The following MAML3 variants were observed in gnomAD, a reference collection of about 807,000 sequenced individuals.
MAML3 encodes mastermind like transcriptional coactivator 3.
Under a neutral mutation model 101.9 loss-of-function variants are expected in MAML3, and 27 were observed. That is an observed-to-expected ratio of 0.27 (90% CI 0.20 to 0.37). The LOEUF is 0.37. Ranked by LOEUF, MAML3 falls within the 10% of genes least tolerant of loss-of-function variation. The pLI is 1.00. For missense variants in MAML3, 1,316 were observed against 1,444.9 expected (o/e 0.91, Z 1.45); for synonymous variants, 501 against 555.9 (o/e 0.90, Z 1.39).
At chr4:140,134,207 T>C in intron 1 of MAML3, 1 of 456,676 alleles carries the variant, frequency 2.2e-6, no homozygotes, top group South Asian at 1.5e-5. Context: ...TCCCCTAACT[T>C]AGGAAGTACG....
rs542556461 is a variant in MAML3 at position 140,126,174 on chromosome 4, T to TAA, written c.468+26684_468+26685dup. Among the ~76,000 whole-genome samples, 561 of 134,732 alleles carry TAA rather than the reference T, an allele frequency of 4.2e-3. 2 individuals are homozygous for TAA. Among genetic ancestry groups the TAA allele is most frequent in the African/African-American group, 9.8e-3 (362 of 37,052 alleles). The allele number at this position is 134,732 out of a possible 152,430, so 88.4% of individuals were successfully genotyped here. On this transcript the variant is annotated intron_variant, in intron 1 of 4. Transcript: ENST00000509479. ...ATAAAGGACTGTAATAAGCATTGTT[T>TAA]AAAAAAAAAAAAAAAAAAGGAAGCC...
chr4:139,822,911 A>G (rs747672493), intron 2 of MAML3, among the ~76,000 whole-genome samples: 1 of 152,254 alleles, frequency 6.6e-6, no homozygotes, highest in Non-Finnish European at 1.5e-5. Flanking sequence ...TTTGCGTGGT[A>G]TCTCTCCCTA....
chr4:139,845,188 T>C (rs1335867285), intron 2 of MAML3, among the ~76,000 whole-genome samples: 1 of 152,144 alleles, frequency 6.6e-6, no homozygotes, highest in Non-Finnish European at 1.5e-5. Context: ...AAATGGCATG[T>C]TGTCCTACAG....
At chr4:139,934,463 C>A (rs1221859599) in intron 1 of MAML3, among the ~76,000 whole-genome samples, 1 of 152,126 alleles carries the variant, frequency 6.6e-6, no homozygotes, top group Non-Finnish European at 1.5e-5. Flanking sequence ...ACAACCCTGA[C>A]CCGAGTTTTC....
At chr4:140,152,775 C>T in intron 1 of MAML3, 85 bp downstream of exon 1, 1 of 1,543,690 alleles carries the variant, frequency 6.5e-7, no homozygotes, top group East Asian at 2.3e-5. Flanking sequence ...GACCCTTGTA[C>T]CCCCATGTAA....
chr4:139,849,453 C>T (rs142643272), intron 2 of MAML3, among the ~76,000 whole-genome samples: 9 of 152,196 alleles, frequency 5.9e-5, no homozygotes, highest in African/African-American at 1.9e-4. Context: ...GGGGCAGAGA[C>T]AAATAAGACA....
At chr4:139,973,903 A>G (rs892615842) in intron 1 of MAML3, among the ~76,000 whole-genome samples, 3 of 152,190 alleles carry the variant, frequency 2.0e-5, no homozygotes, top group Non-Finnish European at 4.4e-5. Context: ...AACCTCCAAG[A>G]AAGGCAAAAT....
At chr4:139,815,709 G>A (rs933011727) in intron 2 of MAML3, among the ~76,000 whole-genome samples, 2 of 152,084 alleles carry the variant, frequency 1.3e-5, no homozygotes, top group Non-Finnish European at 2.9e-5. Flanking sequence ...ATATACTTCA[G>A]ATTCCAGTTC....
At chr4:139,822,251 ACCAC>A (rs1730986143) in intron 2 of MAML3, among the ~76,000 whole-genome samples, 1 of 134,442 alleles carries the variant, frequency 7.4e-6, no homozygotes, top group Non-Finnish European at 1.6e-5. Flanking sequence ...CACCACCACC[ACCAC>A]CACCACCACC....
intron 1 of MAML3, among the ~76,000 whole-genome samples, chr4:140,060,812 C>T (rs10519522): frequency 0.053 from 8,085 of 152,062 alleles, 470 homozygotes; most frequent in African/African-American, 0.14. Flanking sequence ...AATGTTTGAC[C>T]TATTCCTAAT....
At chr4:139,803,395 C>T (rs573823023) in intron 2 of MAML3, among the ~76,000 whole-genome samples, 9 of 152,288 alleles carry the variant, frequency 5.9e-5, no homozygotes, top group African/African-American at 2.2e-4. Flanking sequence ...GATTTTTATA[C>T]AGCACAACAA....
At chr4:139,801,615 T>A (rs1233627516) in intron 2 of MAML3, among the ~76,000 whole-genome samples, 2 of 150,178 alleles carry the variant, frequency 1.3e-5, no homozygotes, top group South Asian at 2.1e-4. Flanking sequence ...AGACCTAATT[T>A]GAAAAGAGCA....
At chr4:140,045,680 GA>G (rs1219482571) in intron 1 of MAML3, among the ~76,000 whole-genome samples, 1 of 151,944 alleles carries the variant, frequency 6.6e-6, no homozygotes, top group African/African-American at 2.4e-5. Flanking sequence ...TAATTTCTTA[GA>G]AAAAAATTTA....
intron 1 of MAML3, among the ~76,000 whole-genome samples, chr4:140,057,146 T>A (rs572370117): frequency 2.0e-5 from 3 of 152,252 alleles, no homozygotes; most frequent in African/African-American, 7.2e-5. Context: ...TGGGATGGCA[T>A]GCATCTGTAG....
chr4:140,122,521 G>A (rs1024918133), intron 1 of MAML3, among the ~76,000 whole-genome samples: 1 of 152,156 alleles, frequency 6.6e-6, no homozygotes, highest in East Asian at 1.9e-4. Context: ...GGCCGGGCGC[G>A]GTGGCTCACG....
intron 1 of MAML3, among the ~76,000 whole-genome samples, chr4:140,100,414 T>C (rs1244775585): frequency 1.3e-5 from 2 of 152,216 alleles, no homozygotes; most frequent in African/African-American, 4.8e-5. Flanking sequence ...TCAAGTTTTA[T>C]CCTTCCTTGC....
intron 1 of MAML3, among the ~76,000 whole-genome samples, chr4:139,945,143 G>A (rs942459786): frequency 6.6e-6 from 1 of 152,192 alleles, no homozygotes; most frequent in Non-Finnish European, 1.5e-5. Context: ...TATAAGGTCT[G>A]TTGACTCTCC....
intron 2 of MAML3, among the ~76,000 whole-genome samples, chr4:139,742,217 C>T (rs1335222278): frequency 2.6e-5 from 4 of 151,216 alleles, no homozygotes; most frequent in East Asian, 2.0e-4. Context: ...GGCACAATCT[C>T]GGCTCACTGC....
At chr4:139,787,552 A>G (rs1470829981) in intron 2 of MAML3, among the ~76,000 whole-genome samples, 1 of 152,236 alleles carries the variant, frequency 6.6e-6, no homozygotes, top group Non-Finnish European at 1.5e-5. Flanking sequence ...CTGGGATTTA[A>G]TATCTCCTGT....
Sources: allele counts gnomAD v4.1 joint callset (sites outside exome capture counted in the v4.1 genomes callset), GRCh38; gene constraint gnomAD v4.1.1; transcripts MANE v1.5; gene names NCBI Gene and HGNC (gene_info 2026-07-23, HGNC 2026-07-21).